The following CCDC6 variants were observed in gnomAD, a reference collection of about 807,000 sequenced individuals.
The protein encoded by CCDC6 is coiled-coil domain-containing protein 6.
Under a neutral mutation model 56.6 loss-of-function variants are expected in CCDC6, and 20 were observed. The observed-to-expected ratio is 0.35, with a 90% CI of 0.25 to 0.51. CCDC6 has a LOEUF of 0.51. CCDC6 is among the 20% of genes least tolerant of loss of function. The pLI, the probability that CCDC6 is intolerant of heterozygous loss-of-function variation, is 0.95. For missense variants in CCDC6, 367 were observed against 601.1 expected (o/e 0.61, Z 4.07); for synonymous variants, 241 against 234.4 (o/e 1.03, Z -0.26).
At chr10:59,810,518 G>A (rs1220058248) in intron 5 of CCDC6, among the ~76,000 whole-genome samples, 3 of 152,074 alleles carry the variant, frequency 2.0e-5, no homozygotes, top group African/African-American at 4.8e-5. Flanking sequence ...CTGACAGCAC[G>A]GGAAAAAGTT....
chr10:59,905,400 C>T (rs754536715), intron 1 of CCDC6, among the ~76,000 whole-genome samples: 1 of 152,216 alleles, frequency 6.6e-6, no homozygotes, highest in Non-Finnish European at 1.5e-5. Flanking sequence ...TCTGGCTCAG[C>T]CAGGGAGTCA....
At chr10:59,880,461 C>G (rs2071323466) in intron 1 of CCDC6, among the ~76,000 whole-genome samples, 1 of 152,202 alleles carries the variant, frequency 6.6e-6, no homozygotes, top group Admixed American at 6.5e-5. Context: ...CTGTCTAATT[C>G]CAGTTAAGCA....
At chr10:59,801,451 A>C (rs981528081) in intron 7 of CCDC6, among the ~76,000 whole-genome samples, 4 of 151,726 alleles carry the variant, frequency 2.6e-5, no homozygotes, top group African/African-American at 7.3e-5. Flanking sequence ...GCAGCTAACC[A>C]CTCCCTTCTT....
chr10:59,820,172 C>T (rs2070738903), intron 3 of CCDC6, among the ~76,000 whole-genome samples: 1 of 152,226 alleles, frequency 6.6e-6, no homozygotes. Flanking sequence ...CCAGAGGTGG[C>T]TCCCAATGCT....
At chr10:59,826,684 C>T (rs116128304) in intron 3 of CCDC6, among the ~76,000 whole-genome samples, 128 of 152,220 alleles carry the variant, frequency 8.4e-4, no homozygotes, top group African/African-American at 3.0e-3. Context: ...GCAGCATGGG[C>T]AAAGAAGAAA....
chr10:59,864,169 TAGA>T (rs796555033), intron 1 of CCDC6, among the ~76,000 whole-genome samples: 13 of 152,310 alleles, frequency 8.5e-5, no homozygotes, highest in African/African-American at 3.1e-4. Flanking sequence ...AGATTCAAAG[TAGA>T]AGAAAGTTCC....
At chr10:59,863,129 T>G (rs1430024794) in intron 1 of CCDC6, among the ~76,000 whole-genome samples, 1 of 151,984 alleles carries the variant, frequency 6.6e-6, no homozygotes, top group Admixed American at 6.6e-5. Context: ...TTTAATAAAC[T>G]AAAAAAACAG....
chr10:59,886,947 C>G (rs1033491950), intron 1 of CCDC6, among the ~76,000 whole-genome samples: 41 of 152,148 alleles, frequency 2.7e-4, no homozygotes, highest in Non-Finnish European at 5.4e-4. Context: ...TGTCCATTTA[C>G]CAGACTACCA....
chr10:59,797,585 T>A (rs1397168082), intron 7 of CCDC6, among the ~76,000 whole-genome samples: 3 of 52,252 alleles, frequency 5.7e-5, no homozygotes, highest in Non-Finnish European at 9.4e-5. Flanking sequence ...CTGAACCTCC[T>A]AGCAAAAAAA....
intron 1 of CCDC6, among the ~76,000 whole-genome samples, chr10:59,892,004 G>C (rs1006373534): frequency 1.3e-5 from 2 of 152,182 alleles, no homozygotes; most frequent in Admixed American, 1.3e-4. Context: ...AGACCACCCT[G>C]GCCCATCACC....
chr10:59,860,860 G>A (rs1228177677), intron 1 of CCDC6, among the ~76,000 whole-genome samples: 1 of 152,040 alleles, frequency 6.6e-6, no homozygotes, highest in African/African-American at 2.4e-5. Context: ...ACGAGACTGG[G>A]CAACATGGTG....
intron 3 of CCDC6, among the ~76,000 whole-genome samples, chr10:59,831,635 A>G (rs2132643332): frequency 6.6e-6 from 1 of 152,332 alleles, no homozygotes; most frequent in South Asian, 2.1e-4. Context: ...TTACATGGAA[A>G]CCCAGGTAGC....
chr10:59,847,992 C>T (rs796585798), intron 2 of CCDC6, among the ~76,000 whole-genome samples: 18 of 152,134 alleles, frequency 1.2e-4, no homozygotes, highest in African/African-American at 4.3e-4. Flanking sequence ...TCTCCAGGTA[C>T]TCCAGCGCCC....
intron 5 of CCDC6, 109 bp downstream of exon 5, chr10:59,812,526 G>T (rs2070681870): frequency 1.2e-5 from 9 of 725,504 alleles, no homozygotes; most frequent in Non-Finnish European, 1.7e-5. Flanking sequence ...AGTAATATAT[G>T]AATTTAATTA....
intron 1 of CCDC6, among the ~76,000 whole-genome samples, chr10:59,864,586 A>T (rs565106771): frequency 2.0e-5 from 3 of 152,336 alleles, no homozygotes; most frequent in Non-Finnish European, 1.5e-5. Context: ...AAGCTTACTC[A>T]ATCAGTTACC....
chr10:59,811,832 GA>G (rs1013482550), intron 5 of CCDC6, among the ~76,000 whole-genome samples: 5 of 150,244 alleles, frequency 3.3e-5, no homozygotes, highest in Non-Finnish European at 7.4e-5. Flanking sequence ...TGTATTTATT[GA>G]AAAAAAAATC....
At chr10:59,809,557 G>C (rs1054220984) in intron 5 of CCDC6, among the ~76,000 whole-genome samples, 1 of 152,106 alleles carries the variant, frequency 6.6e-6, no homozygotes, top group South Asian at 2.1e-4. Flanking sequence ...GCTGCCCCCT[G>C]CTGGCACACA....
intron 2 of CCDC6, among the ~76,000 whole-genome samples, chr10:59,835,979 CAGA>C (rs61026913): frequency 0.015 from 2,245 of 147,220 alleles, 72 homozygotes; most frequent in African/African-American, 0.054. Flanking sequence ...TGCTGGAGCC[CAGA>C]AGGTCAAGGC....
chr10:59,799,076 T>G (rs1035937738), intron 7 of CCDC6, among the ~76,000 whole-genome samples: 2 of 151,304 alleles, frequency 1.3e-5, no homozygotes, highest in African/African-American at 4.9e-5. Flanking sequence ...GTCAATGTTC[T>G]AGTATTACTG....
Sources: allele counts gnomAD v4.1 joint callset (sites outside exome capture counted in the v4.1 genomes callset), GRCh38; gene constraint gnomAD v4.1.1; transcripts MANE v1.5; gene names NCBI Gene and HGNC (gene_info 2026-07-23, HGNC 2026-07-21).